The following PLXDC1 variants were observed in gnomAD, a reference collection of about 807,000 sequenced individuals.
The protein encoded by PLXDC1 is plexin domain-containing protein 1.
In PLXDC1, 39 loss-of-function variants were observed where a neutral mutation model predicts 61.3. That is an observed-to-expected ratio of 0.64 (90% CI 0.49 to 0.83). PLXDC1 has a LOEUF of 0.83. Among genes scored for constraint, PLXDC1 ranks in the 40% least tolerant of loss-of-function variants. The pLI is 0.00. For missense variants in PLXDC1, 596 were observed against 666.5 expected, an observed-to-expected ratio of 0.89 and a Z score of 1.17; for synonymous variants, 212 against 254.5, an observed-to-expected ratio of 0.83 and a Z score of 1.59.
At chr17:39,142,898 G>A (rs944680815) in intron 1 of PLXDC1, among the ~76,000 whole-genome samples, 4 of 152,138 alleles carry the variant, frequency 2.6e-5, no homozygotes, top group African/African-American at 7.2e-5. Flanking sequence ...AGCACTTTGG[G>A]AGGCTGAGGT....
chr17:39,114,805 T>C (rs1910915280), intron 2 of PLXDC1, among the ~76,000 whole-genome samples: 1 of 152,170 alleles, frequency 6.6e-6, no homozygotes, highest in South Asian at 2.1e-4. Context: ...AGCGGGCCAG[T>C]GTTTAAGACG....
At chr17:39,113,085 G>A (rs895340140) in intron 2 of PLXDC1, 4 of 152,200 alleles carry the variant, frequency 2.6e-5, no homozygotes, top group South Asian at 2.1e-4. Flanking sequence ...TTATGTAAAC[G>A]AAGAGGGAGA....
At chr17:39,128,638 G>A (rs775534086) in intron 2 of PLXDC1, among the ~76,000 whole-genome samples, 13 of 152,134 alleles carry the variant, frequency 8.5e-5, no homozygotes, top group Non-Finnish European at 1.9e-4. Flanking sequence ...AAACAGTCTG[G>A]CAGTTCCTCA....
At chr17:39,138,711 C>T (rs71369716) in intron 2 of PLXDC1, among the ~76,000 whole-genome samples, 3,190 of 151,536 alleles carry the variant, frequency 0.021, 111 homozygotes, top group African/African-American at 0.073. Context: ...ATGATTTTAG[C>T]ACTATTTAAC....
chr17:39,149,655 G>T (rs1006213951), intron 1 of PLXDC1, among the ~76,000 whole-genome samples: 1 of 152,042 alleles, frequency 6.6e-6, no homozygotes, highest in East Asian at 1.9e-4. Flanking sequence ...ACTCTTCCTG[G>T]TCTCCTCAAC....
Position 39,150,404 on chromosome 17 carries a change from C to T in PLXDC1, c.76+958G>A, listed in dbSNP as rs143641286. Among the ~76,000 whole-genome samples, 6 of 152,178 alleles carry T rather than the reference C, an allele frequency of 3.9e-5. No individual in the cohort carries two copies. In the South Asian group the frequency reaches 1.2e-3, roughly 32 times the overall value. ...TCAACCACAGCACTCACCTCAACAG[C>T]GCCTCCCTCACCCCACCTGAGGGGC... On this transcript the variant is annotated intron_variant, in intron 1 of 13. Coordinates refer to ENST00000315392, the MANE Select transcript of PLXDC1 (RefSeq NM_020405.5).
At chr17:39,072,417 T>C in intron 12 of PLXDC1, 33 bp downstream of exon 12, 2 of 1,509,440 alleles carry the variant, frequency 1.3e-6, no homozygotes, top group Non-Finnish European at 1.8e-6. Flanking sequence ...AGGCGCTGGG[T>C]CTGACGCTGA....
chr17:39,091,259 GCC>G (rs1016191212), intron 7 of PLXDC1, among the ~76,000 whole-genome samples: 13 of 152,106 alleles, frequency 8.5e-5, no homozygotes, highest in Admixed American at 5.9e-4. Context: ...AATTTCCCAC[GCC>G]CCCTCTGAGG....
chr17:39,116,083 A>T (rs1910956407), intron 2 of PLXDC1, among the ~76,000 whole-genome samples: 1 of 152,162 alleles, frequency 6.6e-6, no homozygotes, highest in Non-Finnish European at 1.5e-5. Flanking sequence ...GCGCCACTGC[A>T]CTCCAGCCTG....
At chr17:39,128,095 GTGTA>G (rs1567769497) in intron 2 of PLXDC1, among the ~76,000 whole-genome samples, 2 of 47,812 alleles carry the variant, frequency 4.2e-5, no homozygotes, top group African/African-American at 1.6e-4. Context: ...CTCTCTCTAT[GTGTA>G]TATATATATA....
chr17:39,084,275 T>A (rs1909665556), intron 8 of PLXDC1, among the ~76,000 whole-genome samples: 1 of 152,210 alleles, frequency 6.6e-6, no homozygotes, highest in Non-Finnish European at 1.5e-5. Flanking sequence ...GGACTGTAGG[T>A]AATAAAATTG....
At chr17:39,152,371 A>C (rs907517866), upstream of PLXDC1, 7 of 513,416 alleles carry the variant, frequency 1.4e-5, no homozygotes, top group African/African-American at 9.9e-5. Flanking sequence ...AGCCAGCCCC[A>C]GACGAGGAAA....
chr17:39,116,769 C>T (rs911649695), intron 2 of PLXDC1, among the ~76,000 whole-genome samples: 3 of 152,226 alleles, frequency 2.0e-5, no homozygotes, highest in African/African-American at 7.2e-5. Flanking sequence ...GGATGATCCT[C>T]GTGTCATCAG....
rs373121138 is a variant in PLXDC1 at position 39,085,753 on chromosome 17, AAAT to A, written c.907+1851_907+1853del. Among the ~76,000 whole-genome samples, 609 of 152,264 alleles carry A rather than the reference AAAT, an allele frequency of 4.0e-3. 8 individuals are homozygous for A. The highest frequency in any genetic ancestry group is 0.014 in the African/African-American group (580 of 41,550). On this transcript the variant is annotated intron_variant, in intron 8 of 13. Transcript: ENST00000315392. Reference sequence around the variant, plus strand: ...ATCTGGACAAGTCCTTCCCACACCCAAATGGTAAGGGAGAAGCCAGGGGATACA... The same window carrying A: ...ATCTGGACAAGTCCTTCCCACACCCAGGTAAGGGAGAAGCCAGGGGATACA...
At chr17:39,118,598 T>C (rs894624442) in intron 2 of PLXDC1, among the ~76,000 whole-genome samples, 1 of 152,222 alleles carries the variant, frequency 6.6e-6, no homozygotes, top group Non-Finnish European at 1.5e-5. Context: ...AATAATATCC[T>C]TGTACCAGAC....
chr17:39,102,508 T>C (rs1910455421), intron 7 of PLXDC1, among the ~76,000 whole-genome samples: 2 of 151,988 alleles, frequency 1.3e-5, no homozygotes, highest in Non-Finnish European at 2.9e-5. Flanking sequence ...TACTGTATTA[T>C]TTGTTATAGC....
At chr17:39,148,155 C>T (rs928271311) in intron 1 of PLXDC1, among the ~76,000 whole-genome samples, 1 of 152,028 alleles carries the variant, frequency 6.6e-6, no homozygotes, top group South Asian at 2.1e-4. Context: ...TCCATAAGTT[C>T]GCATTTTAGT....
chr17:39,141,326 C>T (rs144703000), intron 1 of PLXDC1, among the ~76,000 whole-genome samples: 474 of 152,316 alleles, frequency 3.1e-3, no homozygotes, highest in African/African-American at 0.011. Flanking sequence ...AGCCACAGCG[C>T]GCAGCCTGTA....
rs1332999787 is a variant in PLXDC1 at position 39,128,137 on chromosome 17, ATG to A, written c.255+11515_255+11516del. On this transcript the variant is annotated intron_variant, in intron 2 of 13. Coordinates refer to ENST00000315392, the MANE Select transcript of PLXDC1 (RefSeq NM_020405.5). ...TATGTATATATATATGTGTATATAT[ATG>A]TATATATATGTGTGTATATATATGT... Among the ~76,000 whole-genome samples the A allele has an allele frequency of 2.6e-5, 3 of 114,528 alleles. No individual in the cohort carries two copies. In the Admixed American group the frequency reaches 2.7e-4, roughly 10 times the overall value. 75.1% of individuals were successfully genotyped at this position (114,528 alleles called of 152,430 possible).
Sources: gnomAD v4.1 joint callset for allele counts (sites outside exome capture counted in the v4.1 genomes callset) on GRCh38, gnomAD v4.1.1 for gene constraint, MANE v1.5 for transcripts, NCBI Gene and HGNC (gene_info 2026-07-23, HGNC 2026-07-21) for gene names.